COG2: variants seen among roughly 807,000 people sequenced by gnomAD.
COG2 encodes the protein conserved oligomeric Golgi complex subunit 2.
COG2 carries 52 observed loss-of-function variants against 90.6 expected under a neutral mutation model. The ratio of observed to expected loss-of-function variants is 0.57; its 90% CI spans 0.46 to 0.72. COG2 has a LOEUF of 0.72. Ranked by LOEUF, COG2 falls within the 30% of genes least tolerant of loss-of-function variation. COG2 has a pLI of 0.00. For synonymous variants in COG2, 337 were observed against 320.4 expected (o/e 1.05, Z -0.55); for missense variants, 829 against 891.2 (o/e 0.93, Z 0.89).
At chr1:230,681,352 T>C (rs1442848325) in intron 10 of COG2, 1 of 152,216 alleles carries the variant, frequency 6.6e-6, no homozygotes, top group East Asian at 1.9e-4. Flanking sequence ...TTACATAGTA[T>C]ATGCTGAACA....
chr1:230,664,139 A>C (rs1662256245), intron 4 of COG2, among the ~76,000 whole-genome samples: 1 of 152,120 alleles, frequency 6.6e-6, no homozygotes, highest in African/African-American at 2.4e-5. Flanking sequence ...CAGTGAGCCA[A>C]GATCACAGCA....
At chr1:230,646,485 G>A (rs1449688869) in intron 1 of COG2, among the ~76,000 whole-genome samples, 1 of 152,090 alleles carries the variant, frequency 6.6e-6, no homozygotes, top group Admixed American at 6.6e-5. Context: ...ACTCAGCCAC[G>A]TGTCTGTTCC....
chr1:230,693,233 T>C lies in COG2; in HGVS notation c.2116-59T>C, dbSNP rs187524214. ...GGATGAAGATTTTCTTTCTTTTTTT[T>C]CCCCCCCCATATTCAGCTTGAATTG... On this transcript the variant is annotated intron_variant, in intron 17 of 17. Transcript: ENST00000366669. The C allele has an allele frequency of 2.4e-3, 2,307 of 969,500 alleles. 18 individuals carry two copies. In the African/African-American group the frequency reaches 0.024, roughly 10 times the overall value. The allele number at this position is 969,500 out of a possible 1,614,324, so 60.1% of individuals were successfully genotyped here. A position where few individuals can be genotyped will look rare whatever the true frequency, so the allele number is the denominator to read the frequency against.
At chr1:230,691,253 C>T (rs1663018925) in intron 16 of COG2, 131 bp from the exon 17 acceptor site, 3 of 640,510 alleles carry the variant, frequency 4.7e-6, no homozygotes, top group Admixed American at 6.9e-5. Context: ...AAATACTTAC[C>T]GTGGTTGAAT....
intron 1 of COG2, among the ~76,000 whole-genome samples, chr1:230,655,631 T>G (rs1662028672): frequency 6.6e-6 from 1 of 152,236 alleles, no homozygotes; most frequent in South Asian, 2.1e-4. Flanking sequence ...TTAGGGAAGA[T>G]TCCTTCTTTT....
At chr1:230,690,523 T>C (rs1222710934) in intron 16 of COG2, among the ~76,000 whole-genome samples, 5 of 152,222 alleles carry the variant, frequency 3.3e-5, no homozygotes, top group Admixed American at 6.5e-5. Flanking sequence ...TCATAACAGA[T>C]ACTCAAAGGA....
chr1:230,678,005 A>T, intron 9 of COG2: 4 of 985,374 alleles, frequency 4.1e-6, no homozygotes, highest in Non-Finnish European at 4.8e-6. Flanking sequence ...ATTTGAAATA[A>T]ATTTAAAGCC....
chr1:230,653,285 A>G (rs1432496507), intron 1 of COG2, among the ~76,000 whole-genome samples: 1 of 149,030 alleles, frequency 6.7e-6, no homozygotes, highest in Non-Finnish European at 1.5e-5. Flanking sequence ...CAGTGGCACC[A>G]TCTTGGCTCA....
intron 11 of COG2, among the ~76,000 whole-genome samples, chr1:230,683,949 G>A (rs1298634747): frequency 3.3e-5 from 5 of 151,948 alleles, no homozygotes; most frequent in African/African-American, 9.7e-5. Context: ...ACACCACCAC[G>A]CCTAGTTAAT....
At chr1:230,690,370 TC>T (rs899313141) in intron 16 of COG2, 9 of 458,492 alleles carry the variant, frequency 2.0e-5, no homozygotes, top group African/African-American at 1.8e-4. Context: ...GGCTTCAGCC[TC>T]GGGGCCGGGC....
At position 230,659,591 on chromosome 1, in the gene COG2, A is replaced by C; in HGVS notation, c.200A>C (p.Asp67Ala). The C allele has an allele frequency of 6.2e-7, 1 of 1,613,786 alleles. No individual in the cohort carries two copies. The highest frequency in any genetic ancestry group is 1.1e-5 in the South Asian group (1 of 90,938). ...KTAMVELINK[D>A]YADFVNLSTN... ...GCCATGGTCGAACTCATCAACAAGG[A>C]TTATGCAGATTTTGTCAATCTTTCA... The change falls in exon 2 of 18, where the codon GAT becomes GCT. Residue 67 changes from aspartate (D) to alanine (A), a missense_variant. By Grantham distance (126) the Asp-to-Ala change is moderately radical (BLOSUM62 -2). Coordinates refer to ENST00000366669, the MANE Select transcript of COG2 (RefSeq NM_007357.3).
intron 16 of COG2, among the ~76,000 whole-genome samples, chr1:230,691,081 G>C (rs1663012947): frequency 6.6e-6 from 1 of 151,724 alleles, no homozygotes; most frequent in South Asian, 2.1e-4. Context: ...TCCATGTTCA[G>C]GATTAAAAAT....
Position 230,660,752 on chromosome 1 carries a change from CT to C in COG2, c.235-3del. On this transcript the variant is annotated splice_polypyrimidine_tract_variant and splice_region_variant and intron_variant, in intron 2 of 17. Transcript: ENST00000366669. Reference sequence around the variant, plus strand: ...GTGTGTGTGCCAACATGATTTCTGCCTTTAGGTTGGCATGGACAAAGCCCTC... The same window carrying C: ...GTGTGTGTGCCAACATGATTTCTGCCTTAGGTTGGCATGGACAAAGCCCTC... 1 of 1,575,062 alleles carries C rather than the reference CT, an allele frequency of 6.3e-7. No individual in the cohort carries two copies. The highest frequency in any genetic ancestry group is 1.4e-5 in the African/African-American group (1 of 72,564).
chr1:230,673,134 T>G (rs1355008082), intron 8 of COG2, among the ~76,000 whole-genome samples: 1 of 152,170 alleles, frequency 6.6e-6, no homozygotes, highest in Non-Finnish European at 1.5e-5. Flanking sequence ...GCCATAGATA[T>G]GAAACAATCA....
rs1486172548 is a variant in COG2, at chr1:230,688,123, A to G, written c.1631A>G (p.Lys544Arg). The G allele has an allele frequency of 3.8e-6, 6 of 1,597,468 alleles. No homozygotes were observed. The highest frequency in any genetic ancestry group is 5.1e-6 in the Non-Finnish European group (6 of 1,174,060). ...CCAAAACTTGAAATGATTGGCTTTA[A>G]GAATTTTTCTTCTATCTCAGGTAAA... ...IKPKLEMIGF[K>R]NFSSISAALE... Residue 544 changes from lysine to arginine, a missense_variant, in exon 14 of 18, where the codon AAG becomes AGG. Physicochemically the swap from Lys to Arg is conservative, Grantham distance 26 (BLOSUM62 2). Transcript: ENST00000366669.
rs763004078 is a variant in COG2 at position 230,669,444 on chromosome 1, G to A, written c.683G>A (p.Arg228Gln). 49 of 1,613,876 alleles carry A rather than the reference G, an allele frequency of 3.0e-5. No individual in the cohort carries two copies. Among genetic ancestry groups the A allele is most frequent in the South Asian group, 1.3e-4 (12 of 91,088 alleles). ...GLQTSDVDIIRHCLRTYATID... is the reference protein window; with the variant it reads ...GLQTSDVDIIQHCLRTYATID... ...CAGACGTCTGACGTCGATATAATAC[G>A]GCACTGCTTGCGGACTTACGCCACG... The change falls in exon 7 of 18, where the codon CGG becomes CAG. Residue 228 changes from arginine to glutamine, a missense_variant. Transcript: ENST00000366669.
At chr1:230,687,548 A>T (rs1439049156) in intron 13 of COG2, among the ~76,000 whole-genome samples, 1 of 152,066 alleles carries the variant, frequency 6.6e-6, no homozygotes, top group Non-Finnish European at 1.5e-5. Context: ...TTTTCTGTTG[A>T]TGTTTAATCT....
chr1:230,690,249 T>C, intron 16 of COG2, 96 bp downstream of exon 16: 1 of 1,059,864 alleles, frequency 9.4e-7, no homozygotes, highest in Non-Finnish European at 1.4e-6. Context: ...GATAAGGCAG[T>C]GAGACTGCCT....
In COG2 at chr1:230,678,970, G is replaced by C. The variant is rs778959258; in HGVS notation, c.1084G>C (p.Ala362Pro). 2 of 1,613,306 alleles carry C rather than the reference G, an allele frequency of 1.2e-6. No individual in the cohort carries two copies. Among genetic ancestry groups the C allele is most frequent in the South Asian group, 2.2e-5 (2 of 91,020 alleles). Reference protein sequence around the residue: ...RRLERQCGSQASVKRLRAHPA... With the variant: ...RRLERQCGSQPSVKRLRAHPA... ...ATTGGAACGGCAGTGTGGATCACAG[G>C]CTAGTGTAAAGAGATTAAGAGCCCA... Residue 362 changes from alanine to proline, a missense_variant, in exon 10 of 18, where the codon GCT becomes CCT. Coordinates refer to ENST00000366669, the MANE Select transcript of COG2 (RefSeq NM_007357.3).
Sources: gnomAD v4.1 joint callset for allele counts (sites outside exome capture counted in the v4.1 genomes callset) on GRCh38, gnomAD v4.1.1 for gene constraint, MANE v1.5 for transcripts, NCBI Gene and HGNC (gene_info 2026-07-23, HGNC 2026-07-21) for gene names.